Variants in STON2 observed in about 807,000 individuals in gnomAD.
STON2 encodes the protein stonin-2.
Under a neutral mutation model 65.7 loss-of-function variants are expected in STON2, and 29 were observed. The ratio of observed to expected loss-of-function variants is 0.44; its 90% CI spans 0.33 to 0.60. The LOEUF (loss-of-function observed/expected upper bound fraction) is 0.60, where lower values mean the gene tolerates loss of function less well. Ranked by LOEUF, STON2 falls within the 20% of genes least tolerant of loss-of-function variation. STON2 has a pLI of 0.03. For missense variants in STON2, 1,054 were observed against 1,118.1 expected (o/e 0.94, Z 0.82); for synonymous variants, 404 against 414.2 (o/e 0.98, Z 0.30).
chr14:81,377,009 T>C (rs1899282550), intron 3 of STON2, among the ~76,000 whole-genome samples: 1 of 152,206 alleles, frequency 6.6e-6, no homozygotes, highest in Admixed American at 6.5e-5. Context: ...CAGTTTTACA[T>C]GTACGTGGGG....
chr14:81,333,436 T>C (rs1174527941), intron 4 of STON2: 2 of 311,264 alleles, frequency 6.4e-6, no homozygotes, highest in Non-Finnish European at 1.2e-5. Context: ...TTCAGTCTTC[T>C]CAACAACCCT....
chr14:81,391,647 T>C (rs72703764), intron 3 of STON2, among the ~76,000 whole-genome samples: 4,155 of 152,326 alleles, frequency 0.027, 85 homozygotes, highest in African/African-American at 0.051. Flanking sequence ...AAGTTGGGTA[T>C]TGGCAGAAAA....
intron 4 of STON2, among the ~76,000 whole-genome samples, chr14:81,334,333 CTTAAGTA>C (rs2140275802): frequency 6.6e-6 from 1 of 152,320 alleles, no homozygotes; most frequent in Non-Finnish European, 1.5e-5. Context: ...ACTTCATTTA[CTTAAGTA>C]TTAAGATACA....
At chr14:81,350,692 A>T (rs1158913807) in intron 4 of STON2, among the ~76,000 whole-genome samples, 1 of 152,156 alleles carries the variant, frequency 6.6e-6, no homozygotes, top group Admixed American at 6.5e-5. Context: ...TTCTAACTTT[A>T]AAGGTCTGAG....
chr14:81,310,574 T>TG (rs1342525027), intron 5 of STON2, among the ~76,000 whole-genome samples: 1 of 152,226 alleles, frequency 6.6e-6, no homozygotes, highest in East Asian at 1.9e-4. Context: ...ATCCAGATGT[T>TG]ATTCATGAAC....
At chr14:81,344,275 T>C (rs1005644046) in intron 4 of STON2, among the ~76,000 whole-genome samples, 2 of 152,324 alleles carry the variant, frequency 1.3e-5, no homozygotes, top group East Asian at 1.9e-4. Context: ...ACTCAAATTA[T>C]ACAGAAATAA....
At chr14:81,385,597 A>AGCTTGTT (rs1899761152) in intron 3 of STON2, among the ~76,000 whole-genome samples, 1 of 152,170 alleles carries the variant, frequency 6.6e-6, no homozygotes, top group African/African-American at 2.4e-5. Flanking sequence ...AAAAAACAAC[A>AGCTTGTT]AGCTGACTTC....
rs572768058 is a variant in STON2, at chr14:81,398,908, T to A, written c.-198-328A>T. On this transcript the variant is annotated intron_variant, in intron 1 of 7. Coordinates refer to ENST00000614646, the MANE Select transcript of STON2 (RefSeq NM_001394390.1). ...CATTGCTAAACAAATATTAAAACTT[T>A]TCAAAATGCTTTCACTTTCTCTTAC... Among the ~76,000 whole-genome samples, 10 of 152,370 alleles carry A rather than the reference T, an allele frequency of 6.6e-5. No homozygotes were observed. In the South Asian group the frequency reaches 2.1e-3, roughly 32 times the overall value.
At chr14:81,400,389 T>C (rs912186784), upstream of STON2, among the ~76,000 whole-genome samples, 9 of 144,938 alleles carry the variant, frequency 6.2e-5, no homozygotes, top group Admixed American at 4.5e-4. Context: ...TGGTAATGGC[T>C]GCGGGCCAAG....
intron 4 of STON2, among the ~76,000 whole-genome samples, chr14:81,328,292 G>A (rs766693441): frequency 6.6e-6 from 1 of 152,058 alleles, no homozygotes; most frequent in Non-Finnish European, 1.5e-5. Flanking sequence ...GTAAATAGAA[G>A]TCTATTAATT....
rs966647811 is a variant in STON2, at chr14:81,266,171, A to C, written c.*2243T>G. ...GGAATCTTGGTAGACATATAGACCA[A>C]ATCCAATGTAAGATTCCCTTTCACA... On this transcript the variant is annotated 3_prime_UTR_variant, in exon 8 of 8. Coordinates refer to ENST00000614646, the MANE Select transcript of STON2 (RefSeq NM_001394390.1). 7 of 879,890 alleles carry C rather than the reference A, an allele frequency of 8.0e-6. No homozygotes were observed. The African/African-American group carries it at 1.3e-4, about 16-fold the overall frequency. 54.5% of individuals were successfully genotyped at this position (879,890 alleles called of 1,614,324 possible).
intron 6 of STON2, among the ~76,000 whole-genome samples, chr14:81,275,459 G>A (rs187632911): frequency 2.0e-5 from 3 of 152,062 alleles, no homozygotes; most frequent in Admixed American, 1.3e-4. Flanking sequence ...TTCCATGGTT[G>A]TCTCTTTCCA....
intron 5 of STON2, among the ~76,000 whole-genome samples, chr14:81,314,969 CA>C (rs1177592135): frequency 1.3e-5 from 2 of 152,180 alleles, no homozygotes; most frequent in Non-Finnish European, 1.5e-5. Flanking sequence ...CTCAACCTCC[CA>C]AAGTGTTGGG....
At chr14:81,429,612 C>T (rs888896492) in intron 1 of STON2, among the ~76,000 whole-genome samples, 1 of 152,070 alleles carries the variant, frequency 6.6e-6, no homozygotes, top group East Asian at 1.9e-4. Flanking sequence ...TTAAATAGTC[C>T]GATGGCAGTC....
chr14:81,416,101 G>C (rs767070780), intron 2 of STON2, among the ~76,000 whole-genome samples: 9 of 152,176 alleles, frequency 5.9e-5, no homozygotes, highest in Non-Finnish European at 1.2e-4. Flanking sequence ...GTCCCCCGTT[G>C]TTAACTCTAG....
intron 1 of STON2, among the ~76,000 whole-genome samples, chr14:81,432,857 C>A (rs536493324): frequency 7.9e-5 from 12 of 152,360 alleles, no homozygotes; most frequent in Admixed American, 5.9e-4. Context: ...AATGCTGAGA[C>A]CTTCCAGCCC....
chr14:81,357,749 G>GA (rs1177323241), intron 4 of STON2, among the ~76,000 whole-genome samples: 3 of 152,122 alleles, frequency 2.0e-5, no homozygotes, highest in African/African-American at 7.2e-5. Flanking sequence ...GGACATGGAT[G>GA]AAATTGGAAG....
At chr14:81,435,376 A>G (rs772703339) in intron 1 of STON2, among the ~76,000 whole-genome samples, 9 of 152,226 alleles carry the variant, frequency 5.9e-5, no homozygotes, top group Non-Finnish European at 8.8e-5. Flanking sequence ...ATAATAAATA[A>G]TAAGAGCCGG....
At chr14:81,434,693 C>T (rs141485597) in intron 1 of STON2, among the ~76,000 whole-genome samples, 44 of 152,202 alleles carry the variant, frequency 2.9e-4, no homozygotes, top group Non-Finnish European at 5.9e-4. Context: ...GGATTCGTCA[C>T]ACAGTAGGAG....
Sources: allele counts gnomAD v4.1 joint callset (sites outside exome capture counted in the v4.1 genomes callset), GRCh38; gene constraint gnomAD v4.1.1; transcripts MANE v1.5; gene names NCBI Gene and HGNC (gene_info 2026-07-23, HGNC 2026-07-21).